GPR161: variants seen among roughly 807,000 people sequenced by gnomAD.
GPR161 encodes the protein G protein-coupled receptor 161.
In GPR161, 25 loss-of-function variants were observed where a neutral mutation model predicts 39.2. The observed-to-expected ratio is 0.64, with a 90% CI of 0.47 to 0.89. The LOEUF (loss-of-function observed/expected upper bound fraction) is 0.89, where lower values mean the gene tolerates loss of function less well. Ranked by LOEUF, GPR161 falls within the 40% of genes least tolerant of loss-of-function variation. GPR161 has a pLI of 0.00. For missense variants in GPR161, 547 were observed against 677.8 expected, an observed-to-expected ratio of 0.81 and a Z score of 2.14; for synonymous variants, 286 against 276.6, an observed-to-expected ratio of 1.03 and a Z score of -0.34.
chr1:168,118,963 C>T (rs1198421314), intron 1 of GPR161, among the ~76,000 whole-genome samples: 1 of 151,782 alleles, frequency 6.6e-6, no homozygotes, highest in Non-Finnish European at 1.5e-5. Context: ...TGCAAAGAAA[C>T]TGCAACCCTT....
intron 1 of GPR161, among the ~76,000 whole-genome samples, chr1:168,128,609 G>A (rs1444093041): frequency 6.6e-6 from 1 of 152,176 alleles, no homozygotes; most frequent in African/African-American, 2.4e-5. Context: ...CATGCTCTGA[G>A]AAGACAAGAG....
intron 1 of GPR161, among the ~76,000 whole-genome samples, chr1:168,113,142 C>A (rs1208452344): frequency 6.6e-6 from 1 of 152,180 alleles, no homozygotes; most frequent in Non-Finnish European, 1.5e-5. Context: ...CAGGGCCCAA[C>A]AAGCCAGGGC....
chr1:168,119,932 G>A (rs1698022968), intron 1 of GPR161, among the ~76,000 whole-genome samples: 2 of 152,230 alleles, frequency 1.3e-5, no homozygotes, highest in African/African-American at 4.8e-5. Flanking sequence ...TGAATGTCCA[G>A]GCAGAAGTCT....
chr1:168,125,062 T>C (rs573148909), intron 1 of GPR161, among the ~76,000 whole-genome samples: 1 of 152,392 alleles, frequency 6.6e-6, no homozygotes, highest in Non-Finnish European at 1.5e-5. Flanking sequence ...ATCAAATGTG[T>C]ATTGCATATT....
At chr1:168,131,011 G>A (rs372951079) in intron 1 of GPR161, among the ~76,000 whole-genome samples, 2 of 152,134 alleles carry the variant, frequency 1.3e-5, no homozygotes, top group African/African-American at 4.8e-5. Flanking sequence ...TCTGAGCTGT[G>A]GATTTCCATA....
rs1462195930 is a variant in GPR161 at position 168,085,467 on chromosome 1, C to T, written c.*64G>A. The T allele has an allele frequency of 4.0e-6, 6 of 1,491,268 alleles. No homozygotes were observed. The highest frequency in any genetic ancestry group is 1.8e-5 in the Admixed American group (1 of 54,980). The allele number at this position is 1,491,268 out of a possible 1,614,324, so 92.4% of individuals were successfully genotyped here. Reference sequence around the variant, plus strand: ...CATGCTCCCAAGGCCGCGGCACAGGCGGTGATGGGAACTCCTCCCCGGGCC... The same window carrying T: ...CATGCTCCCAAGGCCGCGGCACAGGTGGTGATGGGAACTCCTCCCCGGGCC... On this transcript the variant is annotated 3_prime_UTR_variant, in exon 6 of 6. Transcript: ENST00000682931.
At chr1:168,136,448 GCACC>G in intron 1 of GPR161, 1 of 1,312,304 alleles carries the variant, frequency 7.6e-7, no homozygotes, top group Admixed American at 3.8e-5. Context: ...GGGGCGGGCT[GCACC>G]CAGCAGAATG....
In GPR161 at chr1:168,085,002, G is replaced by T; in HGVS notation, c.*529C>A. On this transcript the variant is annotated 3_prime_UTR_variant, in exon 6 of 6. Coordinates refer to ENST00000682931, the MANE Select transcript of GPR161 (RefSeq NM_001375883.1). ...TTCTCTGCGGACCAGTCCTAGAACT[G>T]AGGGTCCCACACTGCCCGCATCAAC... 2 of 456,364 alleles carry T rather than the reference G, an allele frequency of 4.4e-6. No individual in the cohort carries two copies. Among genetic ancestry groups the T allele is most frequent in the Non-Finnish European group, 8.8e-6 (2 of 227,030 alleles). 28.3% of individuals were successfully genotyped at this position (456,364 alleles called of 1,614,324 possible).
intron 1 of GPR161, among the ~76,000 whole-genome samples, chr1:168,129,211 C>A (rs182911790): frequency 6.6e-6 from 1 of 152,294 alleles, no homozygotes; most frequent in Non-Finnish European, 1.5e-5. Flanking sequence ...GACATTTGAG[C>A]AGAGACCAGA....
intron 1 of GPR161, among the ~76,000 whole-genome samples, chr1:168,120,326 C>A (rs1698063200): frequency 6.6e-6 from 1 of 152,156 alleles, no homozygotes; most frequent in Non-Finnish European, 1.5e-5. Context: ...GGTCTGTGGT[C>A]CCTTTGTTTT....
intron 5 of GPR161, 44 bp downstream of exon 5, chr1:168,087,541 C>T (rs767992400): frequency 2.2e-5 from 35 of 1,609,808 alleles, no homozygotes; most frequent in South Asian, 1.6e-4. Flanking sequence ...AGATCCTTTC[C>T]GTTTCCCTAT....
chr1:168,137,325 G>T, upstream of GPR161: 1 of 1,534,700 alleles, frequency 6.5e-7, no homozygotes, highest in Non-Finnish European at 8.7e-7. Flanking sequence ...CGCAGGCTCC[G>T]CACAGTCCCA....
intron 2 of GPR161, among the ~76,000 whole-genome samples, chr1:168,101,410 G>A (rs571014311): frequency 6.6e-6 from 1 of 152,298 alleles, no homozygotes; most frequent in South Asian, 2.1e-4. Flanking sequence ...TATCCTACAA[G>A]GCATAGGACA....
intron 1 of GPR161, among the ~76,000 whole-genome samples, chr1:168,115,591 A>G (rs1170184689): frequency 6.6e-6 from 1 of 151,968 alleles, no homozygotes; most frequent in Non-Finnish European, 1.5e-5. Flanking sequence ...GACCTCCCCC[A>G]TCTCCACAAT....
At chr1:168,125,623 C>A (rs562013602) in intron 1 of GPR161, among the ~76,000 whole-genome samples, 3 of 137,166 alleles carry the variant, frequency 2.2e-5, no homozygotes, top group South Asian at 2.1e-4. Flanking sequence ...GCTTCCCCCC[C>A]CTTTTTTTTT....
At chr1:168,125,710 C>T (rs887440356) in intron 1 of GPR161, among the ~76,000 whole-genome samples, 1 of 151,786 alleles carries the variant, frequency 6.6e-6, no homozygotes, top group Non-Finnish European at 1.5e-5. Flanking sequence ...CTCCACCTCC[C>T]GGGTTCAAAT....
At chr1:168,122,384 T>G (rs1270380372) in intron 1 of GPR161, among the ~76,000 whole-genome samples, 1 of 152,214 alleles carries the variant, frequency 6.6e-6, no homozygotes, top group Non-Finnish European at 1.5e-5. Flanking sequence ...CTCTGGATTA[T>G]TAAAATAGCT....
At chr1:168,131,725 T>G (rs1021395590) in intron 1 of GPR161, among the ~76,000 whole-genome samples, 1 of 152,128 alleles carries the variant, frequency 6.6e-6, no homozygotes, top group African/African-American at 2.4e-5. Context: ...GAGTTTTCAC[T>G]TCATAAAAAT....
At position 168,086,293 on chromosome 1, in the gene GPR161, C is replaced by G. The variant is rs186673851; in HGVS notation, c.1325-497G>C. Among the ~76,000 whole-genome samples the G allele has an allele frequency of 2.2e-4, 33 of 152,288 alleles. No individual in the cohort carries two copies. In the East Asian group the frequency reaches 6.0e-3, roughly 28 times the overall value. On this transcript the variant is annotated intron_variant, in intron 5 of 5. Coordinates refer to ENST00000682931, the MANE Select transcript of GPR161 (RefSeq NM_001375883.1). ...CCCCATGCAGAACCTCAAGGTTGGA[C>G]GTGACATTACAGGTTCAAGCCCCCT...
Sources: gnomAD v4.1 joint callset for allele counts (sites outside exome capture counted in the v4.1 genomes callset) on GRCh38, gnomAD v4.1.1 for gene constraint, MANE v1.5 for transcripts, NCBI Gene and HGNC (gene_info 2026-07-23, HGNC 2026-07-21) for gene names.